LDLRAD3: variants seen among roughly 807,000 people sequenced by gnomAD.
The protein encoded by LDLRAD3 is low density lipoprotein receptor class A domain containing 3, also known as low-density lipoprotein receptor class A domain-containing protein 3.
A neutral mutation model predicts 29.4 loss-of-function variants in LDLRAD3; 20 were observed. The observed-to-expected ratio is 0.68, with a 90% CI of 0.48 to 0.99. The LOEUF (loss-of-function observed/expected upper bound fraction) is 0.99. LDLRAD3 is among the 50% of genes least tolerant of loss of function. The pLI is 0.00. For missense variants in LDLRAD3, 420 were observed against 454.3 expected (o/e 0.92, Z 0.69); for synonymous variants, 157 against 192.7 (o/e 0.81, Z 1.53).
chr11:36,143,286 A>T (rs1214053479), intron 4 of LDLRAD3, among the ~76,000 whole-genome samples: 2 of 151,942 alleles, frequency 1.3e-5, no homozygotes, highest in Non-Finnish European at 2.9e-5. Flanking sequence ...GTCACAAAGA[A>T]CTCCCTGGCC....
intron 2 of LDLRAD3, among the ~76,000 whole-genome samples, chr11:36,051,550 A>G (rs1435438919): frequency 1.3e-5 from 2 of 152,230 alleles, no homozygotes; most frequent in South Asian, 2.1e-4. Flanking sequence ...GTAAGCATTC[A>G]ATAAATGTTT....
chr11:36,187,262 A>C (rs1854865024), intron 4 of LDLRAD3, among the ~76,000 whole-genome samples: 1 of 152,206 alleles, frequency 6.6e-6, no homozygotes. Context: ...ATAAAGTAAA[A>C]AGCAAAAGTT....
rs765495963 is a variant in LDLRAD3 at position 36,036,240 on chromosome 11, A to G, written c.184A>G (p.Lys62Glu). 1.2e-6 allele frequency: 2 copies of G among 1,613,838 alleles called. No homozygotes were observed. The highest frequency in any genetic ancestry group is 1.1e-5 in the South Asian group (1 of 91,050). ...LPDCFDKSDE[K>E]ECPKAKSKCG... ...TGACTGCTTCGACAAGAGTGATGAG[A>G]AGGAGTGCCGTGAGTGGCCTGGCCC... is the stretch of plus-strand genomic sequence containing the variant. The change falls in exon 2 of 6, where the codon AAG (lysine) becomes GAG (glutamate). Residue 62 changes from lysine (K) to glutamate (E), a missense_variant. By Grantham distance (56) the Lys-to-Glu change is moderately conservative (BLOSUM62 1). Transcript: ENST00000315571.
At chr11:36,082,769 T>C (rs981055073) in intron 3 of LDLRAD3, among the ~76,000 whole-genome samples, 20 of 152,298 alleles carry the variant, frequency 1.3e-4, no homozygotes, top group African/African-American at 4.8e-4. Flanking sequence ...TCCTTCCTTT[T>C]AGCATCCTGC....
intron 4 of LDLRAD3, among the ~76,000 whole-genome samples, chr11:36,122,888 C>T (rs1853780046): frequency 6.6e-6 from 1 of 151,830 alleles, no homozygotes; most frequent in African/African-American, 2.4e-5. Context: ...AAATTTCATA[C>T]AAGGCTAGGA....
intron 2 of LDLRAD3, among the ~76,000 whole-genome samples, chr11:36,052,917 A>G (rs918396120): frequency 4.6e-5 from 7 of 152,126 alleles, no homozygotes; most frequent in African/African-American, 1.7e-4. Context: ...CATATCTGTC[A>G]TAAGGACCAA....
intron 1 of LDLRAD3, among the ~76,000 whole-genome samples, chr11:35,969,543 A>G (rs1252670433): frequency 1.3e-5 from 2 of 152,208 alleles, no homozygotes; most frequent in Non-Finnish European, 2.9e-5. Flanking sequence ...AGCTTTGCCC[A>G]TGATTTATTA....
intron 4 of LDLRAD3, 55 bp downstream of exon 4, chr11:36,098,516 G>C: frequency 1.3e-6 from 2 of 1,597,708 alleles, no homozygotes; most frequent in Non-Finnish European, 1.7e-6. Context: ...TGCAGTAATG[G>C]AACACCCTGA....
intron 2 of LDLRAD3, among the ~76,000 whole-genome samples, chr11:36,070,904 A>G (rs1852889990): frequency 1.3e-5 from 2 of 152,154 alleles, no homozygotes; most frequent in African/African-American, 4.8e-5. Flanking sequence ...AAAGGAGACC[A>G]TGTAGCCCAG....
chr11:36,016,601 T>C (rs891437390), intron 1 of LDLRAD3, among the ~76,000 whole-genome samples: 6 of 151,046 alleles, frequency 4.0e-5, no homozygotes, highest in African/African-American at 1.5e-4. Context: ...ATATTTACTA[T>C]GGTGACACTT....
intron 4 of LDLRAD3, among the ~76,000 whole-genome samples, chr11:36,217,915 A>G (rs1163123814): frequency 6.6e-6 from 1 of 152,150 alleles, no homozygotes; most frequent in Non-Finnish European, 1.5e-5. Flanking sequence ...GCTCTCTCTA[A>G]TTCAGAATGA....
chr11:36,054,134 C>T (rs1852570463), intron 2 of LDLRAD3, among the ~76,000 whole-genome samples: 1 of 152,178 alleles, frequency 6.6e-6, no homozygotes. Context: ...CAGGTTTCCC[C>T]CCCATTTTCT....
chr11:36,195,111 T>G (rs1855012582), intron 4 of LDLRAD3, among the ~76,000 whole-genome samples: 1 of 152,204 alleles, frequency 6.6e-6, no homozygotes, highest in Admixed American at 6.5e-5. Context: ...GTAATCCATA[T>G]AGAACATTTC....
At chr11:36,032,894 G>A (rs1452620250) in intron 1 of LDLRAD3, among the ~76,000 whole-genome samples, 1 of 149,996 alleles carries the variant, frequency 6.7e-6, no homozygotes, top group African/African-American at 2.5e-5. Context: ...TTTTTTTTTA[G>A]ACAGAGTTTT....
intron 4 of LDLRAD3, among the ~76,000 whole-genome samples, chr11:36,181,813 A>T (rs1854767729): frequency 6.6e-6 from 1 of 152,184 alleles, no homozygotes; most frequent in African/African-American, 2.4e-5. Context: ...AAGTGTCATT[A>T]AATTGTTAGT....
intron 2 of LDLRAD3, among the ~76,000 whole-genome samples, chr11:36,075,525 T>C (rs1285338580): frequency 3.9e-5 from 6 of 152,226 alleles, no homozygotes; most frequent in Non-Finnish European, 8.8e-5. Context: ...TTTTTCTCTT[T>C]GTAATTAATA....
rs71044557 is a variant in LDLRAD3 at position 36,191,599 on chromosome 11, TACACACACAC to T, written c.455-35471_455-35462del. On this transcript the variant is annotated intron_variant, in intron 4 of 5. Coordinates refer to ENST00000315571, the MANE Select transcript of LDLRAD3 (RefSeq NM_174902.4). ...CTCTATATATATATATATATATATATACACACACACACACACACACACACGCACGCACGCA... is the reference window on the plus strand; with the variant it reads ...CTCTATATATATATATATATATATATACACACACACACACGCACGCACGCA... Among the ~76,000 whole-genome samples the T allele has an allele frequency of 2.6e-3, 238 of 93,134 alleles. 3 individuals are homozygous for T. The highest frequency in any genetic ancestry group is 0.01 in the African/African-American group (226 of 22,298). 61.1% of individuals were successfully genotyped at this position (93,134 alleles called of 152,430 possible). A position where few individuals can be genotyped will look rare whatever the true frequency, so the allele number is the denominator to read the frequency against.
rs548475208 is a variant in LDLRAD3, at chr11:36,055,442, G to C, written c.193+19193G>C. 1.6e-4 allele frequency among the ~76,000 whole-genome samples: 25 copies of C among 152,214 alleles called. No individual in the cohort carries two copies. In the East Asian group the frequency reaches 2.7e-3, roughly 17 times the overall value. ...TATTTTGCTTGGATTTAAAACCAGAGGCAGAAGCTAATGAAGGGCTTTCAT... is the reference window on the plus strand; with the variant it reads ...TATTTTGCTTGGATTTAAAACCAGACGCAGAAGCTAATGAAGGGCTTTCAT... On this transcript the variant is annotated intron_variant, in intron 2 of 5. Transcript: ENST00000315571.
At chr11:36,200,287 C>T (rs1028480769) in intron 4 of LDLRAD3, among the ~76,000 whole-genome samples, 8 of 152,162 alleles carry the variant, frequency 5.3e-5, no homozygotes, top group African/African-American at 1.7e-4. Flanking sequence ...AGTAAGGGCC[C>T]TCCTGGCTTA....
Sources: gnomAD v4.1 joint callset for allele counts (sites outside exome capture counted in the v4.1 genomes callset) on GRCh38, gnomAD v4.1.1 for gene constraint, MANE v1.5 for transcripts, NCBI Gene and HGNC (gene_info 2026-07-23, HGNC 2026-07-21) for gene names.